SHISA6: variants seen among roughly 807,000 people sequenced by gnomAD.
The protein encoded by SHISA6 is shisa family member 6.
SHISA6 carries 22 observed loss-of-function variants against 47.9 expected under a neutral mutation model. The ratio of observed to expected loss-of-function variants is 0.46; its 90% confidence interval spans 0.33 to 0.66. SHISA6 has a LOEUF of 0.66. SHISA6 is among the 30% of genes least tolerant of loss of function. The pLI is 0.02. For missense variants in SHISA6, 680 were observed against 764.6 expected (o/e 0.89, Z 1.30); for synonymous variants, 388 against 337.8 (o/e 1.15, Z -1.63).
intron 3 of SHISA6, among the ~76,000 whole-genome samples, chr17:11,523,624 T>C (rs543939726): frequency 6.6e-6 from 1 of 152,334 alleles, no homozygotes; most frequent in South Asian, 2.1e-4. Context: ...CATGCTTTGA[T>C]ATTTATTTAA....
At chr17:11,338,043 T>C (rs898481155) in intron 2 of SHISA6, among the ~76,000 whole-genome samples, 2 of 152,058 alleles carry the variant, frequency 1.3e-5, no homozygotes, top group African/African-American at 4.8e-5. Context: ...CAAGAAGTGA[T>C]TGAGGCCTGG....
intron 3 of SHISA6, among the ~76,000 whole-genome samples, chr17:11,548,794 A>G (rs1277263265): frequency 6.6e-6 from 1 of 152,196 alleles, no homozygotes; most frequent in East Asian, 1.9e-4. Context: ...GACATACAGA[A>G]TAGACTATTC....
At chr17:11,255,687 G>C (rs911682092) in intron 1 of SHISA6, among the ~76,000 whole-genome samples, 25 of 152,288 alleles carry the variant, frequency 1.6e-4, no homozygotes, top group African/African-American at 5.3e-4. Context: ...AATATGGGGC[G>C]TGGATGGTCC....
At chr17:11,521,295 T>A (rs971399792) in intron 3 of SHISA6, among the ~76,000 whole-genome samples, 7 of 152,256 alleles carry the variant, frequency 4.6e-5, no homozygotes, top group Admixed American at 3.9e-4. Context: ...TAGTAAAATG[T>A]AGTATGTATT....
chr17:11,535,910 G>A (rs1439514693), intron 3 of SHISA6, among the ~76,000 whole-genome samples: 2 of 151,900 alleles, frequency 1.3e-5, no homozygotes, highest in African/African-American at 4.8e-5. Flanking sequence ...TGTGTGTGGT[G>A]TGTGTGTATA....
At chr17:11,290,966 CATTT>C (rs1909514913) in intron 2 of SHISA6, among the ~76,000 whole-genome samples, 1 of 151,416 alleles carries the variant, frequency 6.6e-6, no homozygotes, top group African/African-American at 2.4e-5. Flanking sequence ...TGCTAGGTTC[CATTT>C]ATTATTAATT....
In SHISA6 at chr17:11,253,859, C is replaced by T. The variant is rs530182156; in HGVS notation, c.639-9507C>T. 4.0e-4 allele frequency among the ~76,000 whole-genome samples: 61 copies of T among 152,246 alleles called. 1 individual carries two copies. The South Asian group carries it at 0.012, about 31-fold the overall frequency. On this transcript the variant is annotated intron_variant, in intron 1 of 5. Coordinates refer to ENST00000441885, the MANE Select transcript of SHISA6 (RefSeq NM_207386.4). ...TGCTTCTTGCCACAGTCATAACCAG[C>T]TGGGCCTGAGAGGTTATGGATCTGG...
intron 3 of SHISA6, among the ~76,000 whole-genome samples, chr17:11,479,864 CTT>C (rs985087929): frequency 2.0e-4 from 30 of 151,968 alleles, no homozygotes; most frequent in Admixed American, 1.8e-3. Context: ...TTTATCTTCA[CTT>C]ATTTTTTCTT....
chr17:11,488,977 G>C (rs550382956), intron 3 of SHISA6, among the ~76,000 whole-genome samples: 5 of 152,280 alleles, frequency 3.3e-5, no homozygotes, highest in Admixed American at 3.3e-4. Context: ...TGATGAGTCT[G>C]TTTCTGAAGC....
At chr17:11,556,963 A>G (rs1461410279) in intron 5 of SHISA6, among the ~76,000 whole-genome samples, 1 of 152,184 alleles carries the variant, frequency 6.6e-6, no homozygotes, top group East Asian at 1.9e-4. Flanking sequence ...ATTCAAGGGT[A>G]CAGAGAGCAG....
intron 2 of SHISA6, among the ~76,000 whole-genome samples, chr17:11,349,314 G>GAA (rs1911795619): frequency 6.6e-6 from 1 of 152,184 alleles, no homozygotes; most frequent in Non-Finnish European, 1.5e-5. Context: ...CATTGGGCCA[G>GAA]AAAGAAACTA....
intron 3 of SHISA6, among the ~76,000 whole-genome samples, chr17:11,414,243 A>C (rs1369852958): frequency 1.3e-5 from 2 of 152,172 alleles, no homozygotes; most frequent in African/African-American, 4.8e-5. Flanking sequence ...CAGGGAAGAA[A>C]ATGCTGCAAA....
intron 3 of SHISA6, among the ~76,000 whole-genome samples, chr17:11,513,659 A>G (rs2071559889): frequency 6.6e-6 from 1 of 152,182 alleles, no homozygotes; most frequent in African/African-American, 2.4e-5. Context: ...AAATAAGTAT[A>G]GAAACTTGCA....
intron 3 of SHISA6, among the ~76,000 whole-genome samples, chr17:11,389,600 A>G (rs116416139): frequency 0.036 from 5,551 of 152,194 alleles, 184 homozygotes; most frequent in Admixed American, 0.088. Context: ...TTGGGAGAGG[A>G]GAGAGGGCGG....
chr17:11,291,868 C>G (rs1909557607), intron 2 of SHISA6, among the ~76,000 whole-genome samples: 4 of 152,032 alleles, frequency 2.6e-5, no homozygotes, highest in Non-Finnish European at 5.9e-5. Context: ...AGATTAGGGC[C>G]CATCCGAGGT....
intron 4 of SHISA6, among the ~76,000 whole-genome samples, chr17:11,553,958 G>A (rs1341421150): frequency 1.3e-5 from 2 of 152,184 alleles, no homozygotes; most frequent in African/African-American, 4.8e-5. Context: ...TTCTATAGGA[G>A]GGAGAGTATC....
At chr17:11,379,886 A>C (rs1264764188) in intron 3 of SHISA6, 5 of 239,108 alleles carry the variant, frequency 2.1e-5, no homozygotes, top group Admixed American at 6.3e-5. Flanking sequence ...GCTACATTTT[A>C]TAAACCAATG....
chr17:11,551,098 C>G (rs888800515), intron 3 of SHISA6, among the ~76,000 whole-genome samples: 6 of 152,234 alleles, frequency 3.9e-5, no homozygotes, highest in Non-Finnish European at 7.3e-5. Context: ...AAATCAGATA[C>G]ATGCAACAAT....
intron 3 of SHISA6, among the ~76,000 whole-genome samples, chr17:11,438,078 T>A (rs1199294851): frequency 3.3e-5 from 5 of 152,190 alleles, no homozygotes; most frequent in African/African-American, 1.2e-4. Context: ...CATACTACCC[T>A]GCCAACTGAG....
Sources: gnomAD v4.1 joint callset for allele counts (sites outside exome capture counted in the v4.1 genomes callset) on GRCh38, gnomAD v4.1.1 for gene constraint, MANE v1.5 for transcripts, NCBI Gene and HGNC (gene_info 2026-07-23, HGNC 2026-07-21) for gene names.